ZNF99: variants seen among roughly 807,000 people sequenced by gnomAD.
ZNF99 encodes the protein zinc finger protein 99.
In ZNF99, 8 loss-of-function variants were observed where a neutral mutation model predicts 12.8. The observed-to-expected ratio is 0.62, with a 90% CI of 0.37 to 1.13. ZNF99 has a LOEUF of 1.13. Ranked by LOEUF, ZNF99 falls within the 50% of genes most tolerant of loss-of-function variation. The probability of loss-of-function intolerance (pLI) is 0.02; values close to 1 mark genes in which losing one functional copy is unlikely to be tolerated. For synonymous variants in ZNF99, 318 were observed against 319.0 expected (o/e 1.00, Z 0.03); for missense variants, 1,007 against 1,006.2 (o/e 1.00, Z -0.01).
chr19:22,763,889 T>TTTTC (rs149064194), intron 3 of ZNF99, among the ~76,000 whole-genome samples: 26,062 of 142,514 alleles, frequency 0.18, 3,465 homozygotes, highest in African/African-American at 0.37. Flanking sequence ...AAGGATACTC[T>TTTTC]TTTTTTTTTC....
chr19:22,770,735 G>C (rs987749209), intron 1 of ZNF99: 1 of 150,314 alleles, frequency 6.7e-6, no homozygotes, highest in South Asian at 2.1e-4. Context: ...GCACACAGAA[G>C]GGCACACAGA....
intron 1 of ZNF99, among the ~76,000 whole-genome samples, chr19:22,777,472 C>G (rs1973342296): frequency 6.6e-6 from 1 of 152,164 alleles, no homozygotes; most frequent in African/African-American, 2.4e-5. Flanking sequence ...TGCACACCAA[C>G]TCCCGACACA....
chr19:22,781,043 T>C (rs1296386445), intron 1 of ZNF99, among the ~76,000 whole-genome samples: 1 of 152,182 alleles, frequency 6.6e-6, no homozygotes, highest in Non-Finnish European at 1.5e-5. Context: ...AAAGTCATTC[T>C]GGGAAAAAGG....
In ZNF99 at chr19:22,756,793, G is replaced by T. The variant is rs761249327; in HGVS notation, c.*521C>A. The T allele has an allele frequency of 6.2e-7, 1 of 1,612,312 alleles. No individual in the cohort carries two copies. The highest frequency in any genetic ancestry group is 1.1e-5 in the South Asian group (1 of 91,044). ...TTTGCCACATTCTTCACATTTGTAG[G>T]GTTTCTTTCCAGTATAATTATCTCA... On this transcript the variant is annotated 3_prime_UTR_variant, in exon 4 of 4. Coordinates refer to ENST00000596209, the MANE Select transcript of ZNF99 (RefSeq NM_001080409.3).
rs888267311 is a variant in ZNF99 at position 22,768,526 on chromosome 19, C to T, written c.131-126G>A. 40 of 754,140 alleles carry T rather than the reference C, an allele frequency of 5.3e-5. No homozygotes were observed. The African/African-American group carries it at 7.0e-4, about 13-fold the overall frequency. 46.7% of individuals were successfully genotyped at this position (754,140 alleles called of 1,614,324 possible). A position where few individuals can be genotyped will look rare whatever the true frequency, so the allele number is the denominator to read the frequency against. Reference sequence around the variant, plus strand: ...CAATACTAATTTATAACATAAATTTCTAAATATTTAGAAAATATTTTCAAT... The same window carrying T: ...CAATACTAATTTATAACATAAATTTTTAAATATTTAGAAAATATTTTCAAT... On this transcript the variant is annotated intron_variant, in intron 2 of 3. Coordinates refer to ENST00000596209, the MANE Select transcript of ZNF99 (RefSeq NM_001080409.3).
Position 22,757,390 on chromosome 19 carries a change from A to G in ZNF99, c.2519T>C (p.Met840Thr), listed in dbSNP as rs761285937. The G allele has an allele frequency of 1.9e-6, 3 of 1,610,186 alleles. No individual in the cohort carries two copies. The highest frequency in any genetic ancestry group is 2.5e-6 in the Non-Finnish European group (3 of 1,179,468). Residue 840 changes from methionine (M) to threonine (T), a missense_variant, in exon 4 of 4, where the codon ATG becomes ACG. Coordinates refer to ENST00000596209, the MANE Select transcript of ZNF99 (RefSeq NM_001080409.3). The part of the protein sequence containing the change: ...SKLTLHKVIH[M>T]ERNPANVKNV... ...CTTCACATTTGCAGGGTTTCTCTCC[A>G]TATGAATTACCTTATGTAAAGTAAG...
chr19:22,769,481 G>A (rs1178919585), intron 1 of ZNF99, among the ~76,000 whole-genome samples, 157 bp from the exon 2 acceptor site: 3 of 151,998 alleles, frequency 2.0e-5, no homozygotes, highest in South Asian at 2.1e-4. Flanking sequence ...CACAGAAATC[G>A]TCTCGGCTGG....
chr19:22,780,266 G>A (rs1312808512), intron 1 of ZNF99, among the ~76,000 whole-genome samples: 1 of 152,136 alleles, frequency 6.6e-6, no homozygotes, highest in South Asian at 2.1e-4. Context: ...AAAATTCAGT[G>A]CAATTACTCT....
At chr19:22,779,146 G>C (rs781377176) in intron 1 of ZNF99, among the ~76,000 whole-genome samples, 11 of 152,220 alleles carry the variant, frequency 7.2e-5, no homozygotes, top group Admixed American at 2.0e-4. Context: ...TTCCCATTAT[G>C]ACTTCGATGG....
chr19:22,758,603 G>C lies in ZNF99; in HGVS notation c.1306C>G (p.Arg436Gly), dbSNP rs180729554. 6.2e-7 allele frequency: 1 copy of C among 1,612,066 alleles called. No homozygotes were observed. Among genetic ancestry groups the C allele is most frequent in the Non-Finnish European group, 8.5e-7 (1 of 1,179,494 alleles). Residue 436 changes from arginine to glycine, a missense_variant, in exon 4 of 4, where the codon CGT (arginine) becomes GGT (glycine). Transcript: ENST00000596209. ...KCEECGKAFK[R>G]FSALRKHKII... ...TTATGTTTTCTAAGGGCTGAGAAAC[G>C]CTTAAAAGCTTTGCCACATTCTTCA...
At position 22,756,125 on chromosome 19, in the gene ZNF99, GGTCT is replaced by G; in HGVS notation, c.*1185_*1188del. On this transcript the variant is annotated 3_prime_UTR_variant, in exon 4 of 4. Coordinates refer to ENST00000596209, the MANE Select transcript of ZNF99 (RefSeq NM_001080409.3). ...TTTGCCACATTCTTCACATATGGAGGGTCTGTCTCTAGTATAAATTATCTTATGT... is the reference window on the plus strand; with the variant it reads ...TTTGCCACATTCTTCACATATGGAGGGTCTCTAGTATAAATTATCTTATGT... 5 of 1,478,650 alleles carry G rather than the reference GGTCT, an allele frequency of 3.4e-6. No homozygotes were observed. Among genetic ancestry groups the G allele is most frequent in the Non-Finnish European group, 4.6e-6 (5 of 1,098,308 alleles). The allele number at this position is 1,478,650 out of a possible 1,614,324, so 91.6% of individuals were successfully genotyped here. A position where few individuals can be genotyped will look rare whatever the true frequency, so the allele number is the denominator to read the frequency against.
intron 1 of ZNF99, chr19:22,769,793 A>T (rs1377049617): frequency 8.9e-7 from 1 of 1,127,506 alleles, no homozygotes; most frequent in Admixed American, 4.1e-5. Context: ...GAAAAAAAGA[A>T]ATATTCTCTA....
At chr19:22,782,883 T>C (rs1973404856) in intron 1 of ZNF99, among the ~76,000 whole-genome samples, 1 of 149,632 alleles carries the variant, frequency 6.7e-6, no homozygotes. Flanking sequence ...TTAGCCAGGC[T>C]GGTCTAGAAC....
At chr19:22,770,701 G>A (rs1973258916) in intron 1 of ZNF99, 1 of 152,158 alleles carries the variant, frequency 6.6e-6, no homozygotes, top group Non-Finnish European at 1.5e-5. Context: ...ACTGCAGTAG[G>A]ACAAATTTTT....
At chr19:22,761,013 A>C in intron 3 of ZNF99, among the ~76,000 whole-genome samples, 1 of 152,038 alleles carries the variant, frequency 6.6e-6, no homozygotes, top group Non-Finnish European at 1.5e-5. Flanking sequence ...TGAAGACTGT[A>C]ACAGGTAGCT....
chr19:22,781,682 C>T (rs570533640), intron 1 of ZNF99, among the ~76,000 whole-genome samples: 165 of 152,102 alleles, frequency 1.1e-3, no homozygotes, highest in African/African-American at 4.0e-3. Flanking sequence ...CAGGAGAGAC[C>T]TCTCAACCCC....
intron 3 of ZNF99, among the ~76,000 whole-genome samples, chr19:22,762,603 T>C (rs1171794086): frequency 3.3e-5 from 5 of 152,036 alleles, no homozygotes; most frequent in Non-Finnish European, 7.4e-5. Context: ...TTCCATAAGA[T>C]AGAGAAAGAG....
chr19:22,755,573 A>G lies in ZNF99; in HGVS notation c.*1741T>C, dbSNP rs2145136908. ...AGTATGAATTATCTTATGTTCAGTAAGTTTTGAGAAGCAGTTAAAAGTTTT... is the reference window on the plus strand; with the variant it reads ...AGTATGAATTATCTTATGTTCAGTAGGTTTTGAGAAGCAGTTAAAAGTTTT... On this transcript the variant is annotated 3_prime_UTR_variant, in exon 4 of 4. Coordinates refer to ENST00000596209, the MANE Select transcript of ZNF99 (RefSeq NM_001080409.3). 2 of 287,648 alleles carry G rather than the reference A, an allele frequency of 7.0e-6. No individual in the cohort carries two copies. The highest frequency in any genetic ancestry group is 1.5e-3 in the Middle Eastern group (2 of 1,372). The allele number at this position is 287,648 out of a possible 1,614,324, so 17.8% of individuals were successfully genotyped here.
chr19:22,772,226 T>C (rs1442358855), intron 1 of ZNF99, among the ~76,000 whole-genome samples: 4 of 152,138 alleles, frequency 2.6e-5, no homozygotes, highest in African/African-American at 9.7e-5. Flanking sequence ...GATACAAAGT[T>C]GTCTGTCAGA....
Sources: allele counts gnomAD v4.1 joint callset (sites outside exome capture counted in the v4.1 genomes callset), GRCh38; gene constraint gnomAD v4.1.1; transcripts MANE v1.5; gene names NCBI Gene and HGNC (gene_info 2026-07-23, HGNC 2026-07-21).